Variants in ZNF451 observed in about 807,000 individuals in gnomAD.
ZNF451 encodes zinc finger protein 451.
Under a neutral mutation model 107.1 loss-of-function variants are expected in ZNF451, and 80 were observed. That is an observed-to-expected ratio of 0.75 (90% CI 0.62 to 0.90). The LOEUF is 0.90. Ranked by LOEUF, ZNF451 falls within the 40% of genes least tolerant of loss-of-function variation. ZNF451 has a pLI of 0.00. For synonymous variants in ZNF451, 362 were observed against 406.5 expected (o/e 0.89, Z 1.32); for missense variants, 1,107 against 1,236.2 (o/e 0.90, Z 1.57).
chr6:57,111,474 G>A (rs957565693), intron 3 of ZNF451, among the ~76,000 whole-genome samples: 34 of 150,436 alleles, frequency 2.3e-4, no homozygotes, highest in Middle Eastern at 3.6e-3. Context: ...TCTGCCTCCC[G>A]GGTTCAAGCG....
chr6:57,100,556 C>T, intron 3 of ZNF451: 1 of 1,445,954 alleles, frequency 6.9e-7, no homozygotes, highest in Non-Finnish European at 9.1e-7. Context: ...ATATTAAAAG[C>T]ATATTTTTTT....
At chr6:57,167,162 G>A (rs151200564) in intron 14 of ZNF451, among the ~76,000 whole-genome samples, 165 of 151,446 alleles carry the variant, frequency 1.1e-3, no homozygotes, top group African/African-American at 3.9e-3. Context: ...TAAAACAGAC[G>A]TTGTGATTTC....
intron 5 of ZNF451, among the ~76,000 whole-genome samples, chr6:57,130,838 T>G (rs144871071): frequency 3.7e-4 from 57 of 152,322 alleles, no homozygotes; most frequent in African/African-American, 1.3e-3. Flanking sequence ...CTGATAAGCT[T>G]AAGCCTGGAG....
chr6:57,103,988 T>C (rs1829728599), intron 3 of ZNF451: 15 of 985,282 alleles, frequency 1.5e-5, no homozygotes, highest in Non-Finnish European at 1.7e-5. Flanking sequence ...ACTGTATTGA[T>C]CTTGTTTGTC....
intron 5 of ZNF451, among the ~76,000 whole-genome samples, chr6:57,132,579 G>T (rs1321255879): frequency 2.6e-5 from 4 of 152,136 alleles, no homozygotes. Flanking sequence ...TATTAGCTGG[G>T]CATGGTGGCA....
At chr6:57,101,901 A>G (rs1436710722) in intron 3 of ZNF451, 11 of 1,550,434 alleles carry the variant, frequency 7.1e-6, no homozygotes, top group Non-Finnish European at 9.6e-6. Flanking sequence ...TTGTTGCAGA[A>G]GACAACAATA....
chr6:57,104,479 A>G, intron 3 of ZNF451: 1 of 985,336 alleles, frequency 1.0e-6, no homozygotes, highest in Non-Finnish European at 1.2e-6. Context: ...GGTTTTTGAA[A>G]TACTCTTATT....
At chr6:57,104,261 A>T (rs992067515) in intron 3 of ZNF451, 45 of 985,260 alleles carry the variant, frequency 4.6e-5, no homozygotes, top group Non-Finnish European at 5.1e-5. Context: ...TATTGCACCA[A>T]TCAAGCAATC....
At chr6:57,154,314 A>C in intron 13 of ZNF451, 1 of 532,906 alleles carries the variant, frequency 1.9e-6, no homozygotes, top group East Asian at 2.9e-5. Context: ...ACATATATTC[A>C]TGTGTTACAG....
At chr6:57,103,658 T>C in intron 3 of ZNF451, 1 of 985,372 alleles carries the variant, frequency 1.0e-6, no homozygotes, top group Non-Finnish European at 1.2e-6. Flanking sequence ...TTGTTTTTAT[T>C]GACAGACTTA....
At chr6:57,118,882 T>C (rs996890174) in intron 3 of ZNF451, among the ~76,000 whole-genome samples, 5 of 152,198 alleles carry the variant, frequency 3.3e-5, no homozygotes, top group African/African-American at 1.2e-4. Flanking sequence ...CATTGCCCTG[T>C]AACTTGTAAA....
intron 3 of ZNF451, among the ~76,000 whole-genome samples, chr6:57,110,504 G>A (rs1233086923): frequency 6.6e-6 from 1 of 152,188 alleles, no homozygotes; most frequent in Non-Finnish European, 1.5e-5. Flanking sequence ...TGAGGCACTG[G>A]TAGAAAACAA....
intron 2 of ZNF451, among the ~76,000 whole-genome samples, chr6:57,092,274 G>A (rs1326089256): frequency 6.6e-6 from 1 of 152,200 alleles, no homozygotes; most frequent in Non-Finnish European, 1.5e-5. Flanking sequence ...GAATTACAGT[G>A]TAGCTTGTGA....
Position 57,150,647 on chromosome 6 carries a change from T to C in ZNF451, c.2609-72T>C, listed in dbSNP as rs1303752202. The C allele has an allele frequency of 8.8e-6, 13 of 1,478,590 alleles. No homozygotes were observed. The Admixed American group carries it at 2.9e-4, about 33-fold the overall frequency. 91.6% of individuals were successfully genotyped at this position (1,478,590 alleles called of 1,614,324 possible). On this transcript the variant is annotated intron_variant, in intron 10 of 14. Transcript: ENST00000370706. ...TTTTTGCATATTAGGCTTCTAATAC[T>C]TTTTGGACTTGAAATCAGAATGATT...
intron 3 of ZNF451, chr6:57,104,398 A>G: frequency 1.0e-6 from 1 of 985,364 alleles, no homozygotes; most frequent in Non-Finnish European, 1.2e-6. Context: ...AGCTAAGGCT[A>G]CTTCAGACTT....
At chr6:57,093,641 T>C (rs1562583736) in intron 2 of ZNF451, among the ~76,000 whole-genome samples, 1 of 152,204 alleles carries the variant, frequency 6.6e-6, no homozygotes, top group African/African-American at 2.4e-5. Flanking sequence ...ATAGTGCTGT[T>C]AAAAAAGGAC....
chr6:57,095,326 CTTTTTT>C (rs764972958), intron 2 of ZNF451, among the ~76,000 whole-genome samples: 2 of 107,806 alleles, frequency 1.9e-5, no homozygotes, highest in Admixed American at 9.5e-5. Context: ...TTCTGTGATA[CTTTTTT>C]TTTTTTTTTT....
At chr6:57,100,835 C>T in intron 3 of ZNF451, 1 of 1,547,588 alleles carries the variant, frequency 6.5e-7, no homozygotes. Flanking sequence ...CTTAAATCAT[C>T]ACAGAATTTT....
intron 3 of ZNF451, chr6:57,116,272 G>T (rs1213616873): frequency 1.3e-5 from 2 of 152,162 alleles, no homozygotes; most frequent in Non-Finnish European, 2.9e-5. Context: ...GAAAAATATT[G>T]TATGGGCAGG....
Sources: gnomAD v4.1 joint callset for allele counts (sites outside exome capture counted in the v4.1 genomes callset) on GRCh38, gnomAD v4.1.1 for gene constraint, MANE v1.5 for transcripts, NCBI Gene and HGNC (gene_info 2026-07-23, HGNC 2026-07-21) for gene names.